LRP1B: variants seen among roughly 807,000 people sequenced by gnomAD.
The protein encoded by LRP1B is LDL receptor related protein 1B, also known as low-density lipoprotein receptor-related protein 1B.
Under a neutral mutation model 556.6 loss-of-function variants are expected in LRP1B, and 217 were observed. That is an observed-to-expected ratio of 0.39 (90% CI 0.35 to 0.44). The LOEUF (loss-of-function observed/expected upper bound fraction) is 0.44, where lower values mean the gene tolerates loss of function less well. LRP1B is among the 20% of genes least tolerant of loss of function. The pLI is 1.00. For missense variants in LRP1B, 5,053 were observed against 5,620.8 expected (o/e 0.90, Z 3.23); for synonymous variants, 2,047 against 1,865.8 (o/e 1.10, Z -2.50).
chr2:142,100,739 C>T (rs1706540934), intron 1 of LRP1B, among the ~76,000 whole-genome samples: 1 of 151,892 alleles, frequency 6.6e-6, no homozygotes, highest in Admixed American at 6.6e-5. Context: ...TGAAGAAATC[C>T]TGATGATAAT....
At chr2:141,441,065 T>A (rs771731415) in intron 3 of LRP1B, among the ~76,000 whole-genome samples, 3 of 151,998 alleles carry the variant, frequency 2.0e-5, no homozygotes, top group Non-Finnish European at 2.9e-5. Context: ...ATTTTTTTTT[T>A]ATTTTTTATT....
intron 43 of LRP1B, among the ~76,000 whole-genome samples, chr2:140,558,622 G>C (rs960169067): frequency 6.6e-6 from 1 of 152,056 alleles, no homozygotes; most frequent in African/African-American, 2.4e-5. Context: ...GCTAAGTGGG[G>C]AAGGGTTTCT....
At chr2:142,038,215 T>C (rs1703951384) in intron 1 of LRP1B, among the ~76,000 whole-genome samples, 1 of 151,660 alleles carries the variant, frequency 6.6e-6, no homozygotes, top group Admixed American at 6.6e-5. Flanking sequence ...TGCAGACTTC[T>C]AAGCACGTTC....
chr2:140,803,056 A>AGTC (rs1690570002), intron 32 of LRP1B, among the ~76,000 whole-genome samples: 3 of 152,224 alleles, frequency 2.0e-5, no homozygotes, highest in African/African-American at 7.2e-5. Context: ...TGCCTCATGA[A>AGTC]GTCCCCCTCT....
intron 37 of LRP1B, among the ~76,000 whole-genome samples, chr2:140,703,563 AAC>A (rs1686722680): frequency 6.6e-6 from 1 of 152,194 alleles, no homozygotes; most frequent in Non-Finnish European, 1.5e-5. Flanking sequence ...GCATTGATTC[AAC>A]AGCTGGGTGT....
chr2:141,287,365 C>A (rs1345045671), intron 3 of LRP1B, among the ~76,000 whole-genome samples: 2 of 151,048 alleles, frequency 1.3e-5, no homozygotes, highest in Non-Finnish European at 2.9e-5. Context: ...CTCTGTCGCC[C>A]AGGCTGGAGT....
At chr2:141,895,911 A>G (rs1239848034) in intron 1 of LRP1B, among the ~76,000 whole-genome samples, 5 of 151,796 alleles carry the variant, frequency 3.3e-5, no homozygotes, top group African/African-American at 1.2e-4. Flanking sequence ...TTATTTTTTG[A>G]GTTAGTAAGG....
chr2:140,322,103 G>C lies in LRP1B; in HGVS notation c.12515-15C>G, dbSNP rs1036002199. On this transcript the variant is annotated splice_polypyrimidine_tract_variant and intron_variant, in intron 81 of 90. Coordinates refer to ENST00000389484, the MANE Select transcript of LRP1B (RefSeq NM_018557.3). ...TGGATTGGGTACTGGTGAAACAAAA[G>C]AAAACAAAGAAGTGTGTAAATATAG... 6.2e-7 allele frequency: 1 copy of C among 1,607,158 alleles called. No homozygotes were observed. The highest frequency in any genetic ancestry group is 8.5e-7 in the Non-Finnish European group (1 of 1,177,202).
intron 3 of LRP1B, among the ~76,000 whole-genome samples, chr2:141,318,986 T>A (rs1233061921): frequency 2.0e-5 from 3 of 152,034 alleles, no homozygotes; most frequent in Admixed American, 2.0e-4. Flanking sequence ...CAAAAACAGT[T>A]CAGCAAAATT....
chr2:141,760,574 C>G (rs142819574), intron 2 of LRP1B, among the ~76,000 whole-genome samples: 1 of 152,058 alleles, frequency 6.6e-6, no homozygotes, highest in Non-Finnish European at 1.5e-5. Flanking sequence ...AACTTATATA[C>G]AACAATAAAG....
intron 2 of LRP1B, among the ~76,000 whole-genome samples, chr2:141,615,331 T>C (rs1688253184): frequency 6.6e-6 from 1 of 152,228 alleles, no homozygotes; most frequent in Non-Finnish European, 1.5e-5. Context: ...GTTTAATACA[T>C]GATATTCATC....
chr2:140,535,310 A>G (rs1384976181), intron 46 of LRP1B, among the ~76,000 whole-genome samples: 1 of 152,172 alleles, frequency 6.6e-6, no homozygotes, highest in African/African-American at 2.4e-5. Flanking sequence ...TTGCAATACA[A>G]TTTATATGCT....
chr2:140,847,074 G>A (rs139080711), intron 29 of LRP1B, among the ~76,000 whole-genome samples: 16 of 152,122 alleles, frequency 1.1e-4, no homozygotes, highest in African/African-American at 3.4e-4. Context: ...CTTACTCTTT[G>A]ATATCTCTAT....
rs146358769 is a variant in LRP1B, at chr2:140,764,265, G to C, written c.5758+4948C>G. The stretch of plus-strand genomic sequence containing the variant: ...CAGTATATAAATCAAAATAATACAC[G>C]ATCTTCTACTAGCACAAATTTGCAG... On this transcript the variant is annotated intron_variant, in intron 35 of 90. Coordinates refer to ENST00000389484, the MANE Select transcript of LRP1B (RefSeq NM_018557.3). Among the ~76,000 whole-genome samples, 484 of 152,184 alleles carry C rather than the reference G, an allele frequency of 3.2e-3. 3 individuals are homozygous for C. Among genetic ancestry groups the C allele is most frequent in the Middle Eastern group, 6.8e-3 (2 of 294 alleles).
intron 41 of LRP1B, among the ~76,000 whole-genome samples, chr2:140,632,791 C>T (rs995688971): frequency 3.9e-5 from 6 of 152,078 alleles, no homozygotes; most frequent in Non-Finnish European, 2.9e-5. Context: ...GGCCGGGCAT[C>T]GTGGCTCATG....
chr2:141,877,786 T>C (rs936869391), intron 1 of LRP1B, among the ~76,000 whole-genome samples: 5 of 151,906 alleles, frequency 3.3e-5, no homozygotes, highest in African/African-American at 1.2e-4. Context: ...GGTATTCCCA[T>C]AGAAAAATAA....
At chr2:142,027,098 T>A (rs977022809) in intron 1 of LRP1B, among the ~76,000 whole-genome samples, 1 of 151,998 alleles carries the variant, frequency 6.6e-6, no homozygotes, top group Non-Finnish European at 1.5e-5. Context: ...ATGAGGGGAA[T>A]CTGCATGCGC....
chr2:140,611,811 A>G (rs1683082117), intron 41 of LRP1B, among the ~76,000 whole-genome samples: 1 of 152,122 alleles, frequency 6.6e-6, no homozygotes, highest in South Asian at 2.1e-4. Context: ...TTACATGAAA[A>G]TACTATATAT....
intron 20 of LRP1B, among the ~76,000 whole-genome samples, chr2:140,934,768 A>G (rs950278013): frequency 6.6e-6 from 1 of 152,024 alleles, no homozygotes; most frequent in African/African-American, 2.4e-5. Flanking sequence ...ACCTCTCTCC[A>G]TCGTTACAAG....
Sources: gnomAD v4.1 joint callset for allele counts (sites outside exome capture counted in the v4.1 genomes callset) on GRCh38, gnomAD v4.1.1 for gene constraint, MANE v1.5 for transcripts, NCBI Gene and HGNC (gene_info 2026-07-23, HGNC 2026-07-21) for gene names.